The following MYO1F variants were observed in gnomAD, a reference collection of about 807,000 sequenced individuals.
The protein encoded by MYO1F is unconventional myosin-If.
Under a neutral mutation model 146.6 loss-of-function variants are expected in MYO1F, and 60 were observed. The observed-to-expected ratio is 0.41, with a 90% CI of 0.33 to 0.51. The LOEUF (loss-of-function observed/expected upper bound fraction) is 0.51. Ranked by LOEUF, MYO1F falls within the 20% of genes least tolerant of loss-of-function variation. The probability of loss-of-function intolerance (pLI) is 0.25; values close to 1 mark genes in which losing one functional copy is unlikely to be tolerated. For synonymous variants in MYO1F, 602 were observed against 602.1 expected (o/e 1.00, Z 0.00); for missense variants, 1,274 against 1,534.3 (o/e 0.83, Z 2.83).
intron 14 of MYO1F, 85 bp from the exon 15 acceptor site, chr19:8,542,076 C>T: frequency 9.4e-7 from 1 of 1,063,500 alleles, no homozygotes; most frequent in Non-Finnish European, 1.4e-6. Flanking sequence ...CCCAGGTGGT[C>T]AAGGCTTTCC....
intron 1 of MYO1F, among the ~76,000 whole-genome samples, chr19:8,566,042 G>A (rs974251381): frequency 4.6e-5 from 7 of 152,024 alleles, no homozygotes; most frequent in African/African-American, 1.7e-4. Context: ...CCAGGAGTTC[G>A]GAGTTACAGT....
rs34428318 is a variant in MYO1F, at chr19:8,523,035, CT to C, written c.2855-207del. On this transcript the variant is annotated intron_variant, in intron 25 of 27. Transcript: ENST00000644032. ...AGCATAATTTTAAAATTATTTTTTA[CT>C]TTTTTTTTTTTTTGAGATGGAGTCT... Among the ~76,000 whole-genome samples the C allele has an allele frequency of 0.61, 86,498 of 142,780 alleles. 26,643 individuals are homozygous for C. Among genetic ancestry groups the C allele is most frequent in the Non-Finnish European group, 0.68 (44,649 of 65,342 alleles). The allele number at this position is 142,780 out of a possible 152,430, so 93.7% of individuals were successfully genotyped here. A position where few individuals can be genotyped will look rare whatever the true frequency, so the allele number is the denominator to read the frequency against.
intron 8 of MYO1F, 97 bp downstream of exon 8, chr19:8,551,643 G>T: frequency 6.4e-7 from 1 of 1,568,436 alleles, no homozygotes. Flanking sequence ...TGAGCCACAT[G>T]CCTGGCCTGG....
At chr19:8,563,677 T>A (rs2041948140) in intron 1 of MYO1F, among the ~76,000 whole-genome samples, 1 of 151,258 alleles carries the variant, frequency 6.6e-6, no homozygotes, top group African/African-American at 2.4e-5. Flanking sequence ...CCCAGCTAAT[T>A]TTTTTTGTAT....
rs561818983 is a variant in MYO1F, at chr19:8,526,794, G to A, written c.2616C>T (p.Ser872=). ...ATRRPLPLTF[S]DTLQFRVKKE... is the part of the protein sequence containing the mutation. ...TGGGGTTGGCGGGGCCGTACGTGTC[G>A]CTGAAGGTGAGGGGCAGGGGCCTCC... The change falls in exon 23 of 28, where the codon AGC becomes AGT. Residue 872 remains serine, a synonymous_variant. Transcript: ENST00000644032. The A allele has an allele frequency of 1.9e-6, 3 of 1,610,206 alleles. No individual in the cohort carries two copies. The highest frequency in any genetic ancestry group is 2.5e-6 in the Non-Finnish European group (3 of 1,178,722).
rs569345387 is a variant in MYO1F, at chr19:8,554,672, G to T, written c.213C>A (p.Ile71=). 15 of 1,613,994 alleles carry T rather than the reference G, an allele frequency of 9.3e-6. No homozygotes were observed. In the East Asian group the frequency reaches 3.1e-4, roughly 34 times the overall value. ...GCCTCACCGCGCCCTGATAGAGGTC[G>T]ATCTCACGGTCGGTGAAGTAGGGCA... is the stretch of plus-strand genomic sequence containing the variant. ...KQMPYFTDRE[I]DLYQGAAQYE... The change falls in exon 3 of 28, where the codon ATC becomes ATA. Residue 71 remains isoleucine (I), a synonymous_variant. Coordinates refer to ENST00000644032, the MANE Select transcript of MYO1F (RefSeq NM_012335.4).
chr19:8,570,150 G>A (rs545369483), intron 1 of MYO1F, among the ~76,000 whole-genome samples: 1 of 151,480 alleles, frequency 6.6e-6, no homozygotes, highest in African/African-American at 2.4e-5. Flanking sequence ...TAGGCTTACT[G>A]CAACCTCTGC....
chr19:8,526,747 C>A, intron 23 of MYO1F, 42 bp downstream of exon 23: 1 of 1,570,760 alleles, frequency 6.4e-7, no homozygotes, highest in Non-Finnish European at 8.6e-7. Context: ...TGCGCCGCGC[C>A]GAGACCACCC....
chr19:8,551,986 G>T, intron 7 of MYO1F, 47 bp downstream of exon 7: 1 of 1,613,582 alleles, frequency 6.2e-7, no homozygotes, highest in Non-Finnish European at 8.5e-7. Flanking sequence ...TGTCCACCCC[G>T]CTGGGCTCCA....
Position 8,522,459 on chromosome 19 carries a change from G to A in MYO1F, c.3138C>T (p.Cys1046=), listed in dbSNP as rs755835273. ...GGCCCACGTACTGGTATAGGGCCCG[G>A]CACCTGGGACCATGTGTCCGAGGCT... The part of the protein sequence containing the change: ...KPQPRTHGPR[C]RALYQYVGQD... Residue 1046 remains cysteine, a synonymous_variant, in exon 27 of 28, where the codon TGC becomes TGT. Transcript: ENST00000644032. 1 of 1,614,076 alleles carries A rather than the reference G, an allele frequency of 6.2e-7. No homozygotes were observed. Among genetic ancestry groups the A allele is most frequent in the East Asian group, 2.2e-5 (1 of 44,884 alleles).
In MYO1F at chr19:8,554,506, G is replaced by A. The variant is rs201539438; in HGVS notation, c.297C>T (p.Ile99=). ...TGATGACACACTGGTTCTCACAGTC[G>A]ATAAGCATGTTCCGGTACATGTTGT... ...LTDNMYRNML[I]DCENQCVIIS... The change falls in exon 4 of 28, where the codon ATC becomes ATT. Residue 99 remains isoleucine (I), a synonymous_variant. Transcript: ENST00000644032. The A allele has an allele frequency of 2.7e-5, 44 of 1,612,842 alleles. No homozygotes were observed. The highest frequency in any genetic ancestry group is 2.5e-4 in the East Asian group (11 of 44,852).
At chr19:8,525,641 G>C in intron 24 of MYO1F, 79 bp from the exon 25 acceptor site, 1 of 1,240,854 alleles carries the variant, frequency 8.1e-7, no homozygotes, top group Non-Finnish European at 1.2e-6. Context: ...TCCATTCTGA[G>C]GCTCCGCCGC....
Position 8,530,635 on chromosome 19 carries a change from G to A in MYO1F, c.2044-62C>T. 1.5e-6 allele frequency: 2 copies of A among 1,341,900 alleles called. No homozygotes were observed. The highest frequency in any genetic ancestry group is 1.2e-5 in the South Asian group (1 of 85,676). The allele number at this position is 1,341,900 out of a possible 1,614,324, so 83.1% of individuals were successfully genotyped here. A position where few individuals can be genotyped will look rare whatever the true frequency, so the allele number is the denominator to read the frequency against. ...GTGTCTCCCCAGGGGCTGCAGTTCC[G>A]GGTTTTCCCTGCGCTCACCCTACTC... On this transcript the variant is annotated intron_variant, in intron 19 of 27. Coordinates refer to ENST00000644032, the MANE Select transcript of MYO1F (RefSeq NM_012335.4). The surrounding 1 kb of genome is among the most constrained non-coding windows in gnomAD (Gnocchi z 5.8).
chr19:8,554,248 CA>C (rs963779386), intron 4 of MYO1F, among the ~76,000 whole-genome samples: 1 of 152,170 alleles, frequency 6.6e-6, no homozygotes, highest in Non-Finnish European at 1.5e-5. Context: ...TGAGCCACTA[CA>C]CCTGGCCTGA....
rs943245009 is a variant in MYO1F at position 8,530,243 on chromosome 19, G to A, written c.2281C>T (p.Arg761Trp). 8 of 1,614,020 alleles carry A rather than the reference G, an allele frequency of 5.0e-6. No individual in the cohort carries two copies. Among genetic ancestry groups the A allele is most frequent in the Middle Eastern group, 1.6e-4 (1 of 6,062 alleles). ...GTGACCGAATCGGCGAAGTCCACCC[G>A]CTCCCTCTTGCCCAGGAACTGACGC... is the stretch of plus-strand genomic sequence containing the variant. ...ELRQFLGKRE[R>W]VDFADSVTKY... The change falls in exon 21 of 28, where the codon CGG becomes TGG. Residue 761 changes from arginine to tryptophan, a missense_variant. By Grantham distance (101) the Arg-to-Trp change is moderately radical. Coordinates refer to ENST00000644032, the MANE Select transcript of MYO1F (RefSeq NM_012335.4). This position sits in a 1 kb window ranked among gnomAD's most constrained non-coding sequence, Gnocchi z 5.8.
At chr19:8,546,147 C>G (rs1179531623) in intron 12 of MYO1F, among the ~76,000 whole-genome samples, 2 of 150,030 alleles carry the variant, frequency 1.3e-5, no homozygotes, top group Admixed American at 1.3e-4. Flanking sequence ...TCATCGCAAC[C>G]TCCGCCTCCC....
At chr19:8,548,514 G>A (rs1412158124) in intron 10 of MYO1F, among the ~76,000 whole-genome samples, 197 bp from the exon 11 acceptor site, 1 of 151,900 alleles carries the variant, frequency 6.6e-6, no homozygotes, top group Non-Finnish European at 1.5e-5. Context: ...ACTCAGAGGA[G>A]AAACCCAAGT....
intron 25 of MYO1F, among the ~76,000 whole-genome samples, chr19:8,523,225 G>A (rs958114329): frequency 3.9e-5 from 6 of 152,028 alleles, no homozygotes; most frequent in Non-Finnish European, 5.9e-5. Flanking sequence ...AGTAGAGACG[G>A]AGTTTCATCA....
rs34667346 is a variant in MYO1F at position 8,554,418 on chromosome 19, G to GTGA, written c.326+56_326+58dup. The GTGA allele has an allele frequency of 0.13, 188,212 of 1,417,348 alleles. 13,533 individuals are homozygous for GTGA. Among genetic ancestry groups the GTGA allele is most frequent in the African/African-American group, 0.2 (14,078 of 70,596 alleles). The allele number at this position is 1,417,348 out of a possible 1,614,324, so 87.8% of individuals were successfully genotyped here. A position where few individuals can be genotyped will look rare whatever the true frequency, so the allele number is the denominator to read the frequency against. On this transcript the variant is annotated intron_variant, in intron 4 of 27. Coordinates refer to ENST00000644032, the MANE Select transcript of MYO1F (RefSeq NM_012335.4). ...TTTCAGGCAAACCTCCCTGGGGGTGGTGATGTTTCAGCAGGGGCCCGGGCA... is the reference window on the plus strand; with the variant it reads ...TTTCAGGCAAACCTCCCTGGGGGTGGTGATGATGTTTCAGCAGGGGCCCGGGCA...
Sources: gnomAD v4.1 joint callset for allele counts (sites outside exome capture counted in the v4.1 genomes callset) on GRCh38, gnomAD v4.1.1 for gene constraint, Gnocchi (gnomAD v3.1) non-coding constraint, MANE v1.5 for transcripts, NCBI Gene and HGNC (gene_info 2026-07-23, HGNC 2026-07-21) for gene names.